The following CYP3A4 variants were observed in gnomAD, a reference collection of about 807,000 sequenced individuals.
CYP3A4 encodes cytochrome P450 family 3 subfamily A member 4.
Under a neutral mutation model 54.9 loss-of-function variants are expected in CYP3A4, and 41 were observed. The ratio of observed to expected loss-of-function variants is 0.75; its 90% CI spans 0.58 to 0.97. CYP3A4 has a LOEUF of 0.97. CYP3A4 is among the 50% of genes least tolerant of loss of function. The pLI is 0.00. For synonymous variants in CYP3A4, 179 were observed against 205.2 expected, an observed-to-expected ratio of 0.87 and a Z score of 1.09; for missense variants, 510 against 597.3, an observed-to-expected ratio of 0.85 and a Z score of 1.52.
intron 7 of CYP3A4, among the ~76,000 whole-genome samples, 153 bp from the exon 8 acceptor site, chr7:99,767,411 C>T (rs1172226820): frequency 6.6e-6 from 1 of 152,210 alleles, no homozygotes; most frequent in Non-Finnish European, 1.5e-5. Flanking sequence ...TTTTGCCCCT[C>T]TTTCAGGCCA....
chr7:99,759,917 C>T (rs1815274052), intron 12 of CYP3A4, among the ~76,000 whole-genome samples: 1 of 151,900 alleles, frequency 6.6e-6, no homozygotes. Context: ...TCACTGCAGG[C>T]TCCGCTCCCT....
intron 11 of CYP3A4, 34 bp from the exon 12 acceptor site, chr7:99,761,015 A>G: frequency 1.2e-6 from 2 of 1,610,096 alleles, no homozygotes; most frequent in Non-Finnish European, 1.7e-6. Context: ...TAAAAAGTTA[A>G]TGACATAATA....
At chr7:99,780,256 T>C (rs1815885959) in intron 1 of CYP3A4, 171 bp from the exon 2 acceptor site, 1 of 653,288 alleles carries the variant, frequency 1.5e-6, no homozygotes, top group Admixed American at 2.9e-5. Flanking sequence ...TCAGGTCCTT[T>C]CCTGCCTCCA....
At chr7:99,780,327 A>G (rs917269343) in intron 1 of CYP3A4, among the ~76,000 whole-genome samples, 11 of 152,242 alleles carry the variant, frequency 7.2e-5, no homozygotes, top group African/African-American at 2.7e-4. Context: ...TCATGGTCCC[A>G]GTCCTGGAAT....
At chr7:99,769,472 C>G in intron 6 of CYP3A4, 1 of 396,004 alleles carries the variant, frequency 2.5e-6, no homozygotes, top group Non-Finnish European at 4.8e-6. Context: ...AACTTTGGTA[C>G]AATCACACTT....
intron 5 of CYP3A4, 31 bp downstream of exon 5, chr7:99,770,091 T>G: frequency 6.3e-7 from 1 of 1,592,172 alleles, no homozygotes; most frequent in Non-Finnish European, 8.6e-7. Flanking sequence ...ATTCTTTAAG[T>G]TTCTTATTAA....
At chr7:99,783,074 T>C (rs531380190) in intron 1 of CYP3A4, among the ~76,000 whole-genome samples, 1 of 152,340 alleles carries the variant, frequency 6.6e-6, no homozygotes, top group Admixed American at 6.5e-5. Flanking sequence ...GGTCAGAAGA[T>C]GGAAAATATG....
At chr7:99,778,753 TAAAAAC>T (rs1008187136) in intron 2 of CYP3A4, among the ~76,000 whole-genome samples, 4 of 152,276 alleles carry the variant, frequency 2.6e-5, no homozygotes, top group African/African-American at 7.2e-5. Flanking sequence ...CACTGAAACT[TAAAAAC>T]AAACCTTCCT....
At chr7:99,774,635 T>G (rs1458144630) in intron 3 of CYP3A4, among the ~76,000 whole-genome samples, 1 of 152,050 alleles carries the variant, frequency 6.6e-6, no homozygotes, top group Non-Finnish European at 1.5e-5. Flanking sequence ...TTGACAAAAT[T>G]CAACAGCCTT....
At chr7:99,762,407 T>C (rs1815361812) in intron 10 of CYP3A4, 140 bp from the exon 11 acceptor site, 1 of 1,212,860 alleles carries the variant, frequency 8.2e-7, no homozygotes, top group Non-Finnish European at 1.2e-6. Context: ...TAAAGTGTTT[T>C]AATAACTGTC....
chr7:99,778,856 G>C (rs1276334813), intron 2 of CYP3A4, among the ~76,000 whole-genome samples: 2 of 152,196 alleles, frequency 1.3e-5, no homozygotes, highest in Non-Finnish European at 2.9e-5. Flanking sequence ...CTAAAGAGTT[G>C]ACCTGGAAAA....
chr7:99,771,950 T>C (rs1815646272), intron 4 of CYP3A4, among the ~76,000 whole-genome samples: 1 of 152,006 alleles, frequency 6.6e-6, no homozygotes, highest in Non-Finnish European at 1.5e-5. Context: ...AAATTGATAA[T>C]AGAGCTACAT....
At chr7:99,758,249 T>C (rs1375870951) in intron 12 of CYP3A4, 21 bp from the exon 13 acceptor site, 2 of 1,610,498 alleles carry the variant, frequency 1.2e-6, no homozygotes, top group Admixed American at 3.3e-5. Context: ...TAAACAAGCA[T>C]ATTGAGAAGC....
rs772477178 is a variant in CYP3A4, at chr7:99,763,861, G to T, written c.1020C>A (p.Pro340=). ...CCATGTACCATCCACTCACCTTATT[G>T]GGTAAAACTGCATCAATTTCCTCCT... is the stretch of plus-strand genomic sequence containing the variant. ...KLQEEIDAVL[P]NKAPPTYDTV... is the part of the protein sequence containing the mutation. The change falls in exon 10 of 13, where the codon CCC becomes CCA. Residue 340 remains proline (P), a synonymous_variant. Coordinates refer to ENST00000651514, the MANE Select transcript of CYP3A4 (RefSeq NM_017460.6). 2.5e-6 allele frequency: 4 copies of T among 1,613,944 alleles called. No homozygotes were observed. In the East Asian group the frequency reaches 8.9e-5, roughly 36 times the overall value.
At chr7:99,772,821 T>C in intron 3 of CYP3A4, 132 bp from the exon 4 acceptor site, 1 of 905,764 alleles carries the variant, frequency 1.1e-6, no homozygotes. Context: ...AATCTTAGGT[T>C]CTAGTTCATT....
intron 10 of CYP3A4, among the ~76,000 whole-genome samples, chr7:99,762,478 G>A (rs534892498): frequency 6.6e-6 from 1 of 151,948 alleles, no homozygotes; most frequent in Non-Finnish European, 1.5e-5. Context: ...AAGGTGGGAA[G>A]CATTCGGGAA....
At chr7:99,777,876 T>C (rs1815811582) in intron 3 of CYP3A4, 152 bp downstream of exon 3, 1 of 696,266 alleles carries the variant, frequency 1.4e-6, no homozygotes, top group Non-Finnish European at 2.6e-6. Context: ...CCCAAATAAA[T>C]ATCTTCTTCT....
At chr7:99,758,754 G>A (rs1218577496) in intron 12 of CYP3A4, among the ~76,000 whole-genome samples, 3 of 152,180 alleles carry the variant, frequency 2.0e-5, no homozygotes, top group South Asian at 4.1e-4. Flanking sequence ...AACTTCCAGA[G>A]TCCAGTAATT....
Position 99,782,012 on chromosome 7 carries a change from A to G in CYP3A4, c.72-1927T>C, listed in dbSNP as rs1158768047. 6.6e-5 allele frequency among the ~76,000 whole-genome samples: 10 copies of G among 152,362 alleles called. No homozygotes were observed. The East Asian group carries it at 1.9e-3, about 29-fold the overall frequency. On this transcript the variant is annotated intron_variant, in intron 1 of 12. Coordinates refer to ENST00000651514, the MANE Select transcript of CYP3A4 (RefSeq NM_017460.6). ...AGCAGAAGCAGCATAGCCAGGCCCAATAGTGCATTTGGATCTTTGCCCCAG... is the reference window on the plus strand; with the variant it reads ...AGCAGAAGCAGCATAGCCAGGCCCAGTAGTGCATTTGGATCTTTGCCCCAG...
Sources: gnomAD v4.1 joint callset for allele counts (sites outside exome capture counted in the v4.1 genomes callset) on GRCh38, gnomAD v4.1.1 for gene constraint, MANE v1.5 for transcripts, NCBI Gene and HGNC (gene_info 2026-07-23, HGNC 2026-07-21) for gene names.